Variants in PRH1 observed in about 807,000 individuals in gnomAD.
PRH1 encodes salivary acidic proline-rich phosphoprotein 1/2.
In PRH1, 7 loss-of-function variants were observed where a neutral mutation model predicts 7.9. The observed-to-expected ratio is 0.89, with a 90% CI of 0.50 to 1.67. PRH1 has a LOEUF of 1.67. PRH1 is among the 40% of genes most tolerant of loss of function. The pLI, the probability that PRH1 is intolerant of heterozygous loss-of-function variation, is 0.00. For missense variants in PRH1, 109 were observed against 223.6 expected (o/e 0.49, Z 3.27); for synonymous variants, 45 against 80.8 (o/e 0.56, Z 2.38).
At chr12:11,102,127 T>G (rs1336604534) in intron 1 of PRH1, among the ~76,000 whole-genome samples, 48 of 149,742 alleles carry the variant, frequency 3.2e-4, no homozygotes, top group South Asian at 6.3e-4. Flanking sequence ...CAAGGTAATT[T>G]ATAGATTCAA....
chr12:11,171,199 C>A (rs1156341441), intron 1 of PRH1: 1 of 419,120 alleles, frequency 2.4e-6, no homozygotes, highest in South Asian at 1.4e-4. Context: ...CCCGGGGCTA[C>A]GCGCCGCACT....
chr12:11,002,878 G>A (rs1940659037), intron 1 of PRH1, among the ~76,000 whole-genome samples: 1 of 151,988 alleles, frequency 6.6e-6, no homozygotes, highest in African/African-American at 2.4e-5. Context: ...AACAACATGA[G>A]TATAATTATT....
chr12:11,133,354 C>T, intron 1 of PRH1: 1 of 1,613,838 alleles, frequency 6.2e-7, no homozygotes, highest in African/African-American at 1.3e-5. Flanking sequence ...CCCAGTACCT[C>T]ACATGCCGCA....
rs867926689 is a variant in PRH1, at chr12:11,105,979, C to T, written n.124-58791G>A. Among the ~76,000 whole-genome samples the T allele has an allele frequency of 5.4e-3, 457 of 85,118 alleles. 63 individuals are homozygous for T. Among genetic ancestry groups the T allele is most frequent in the African/African-American group, 0.018 (431 of 23,694 alleles). The allele number at this position is 85,118 out of a possible 152,430, so 55.8% of individuals were successfully genotyped here. On this transcript the variant is annotated intron_variant and non_coding_transcript_variant, in intron 1 of 4. Coordinates refer to the PRH1 transcript ENST00000541977. ...TTTTTGAGACGGAGTCTCACTCTTT[C>T]GCCCAAGCTGGACTGCAGTGGTGCT... is the stretch of plus-strand genomic sequence containing the variant.
At chr12:11,001,168 G>A (rs961695951) in intron 1 of PRH1, among the ~76,000 whole-genome samples, 7 of 148,870 alleles carry the variant, frequency 4.7e-5, no homozygotes, top group Admixed American at 2.0e-4. Flanking sequence ...TTTTTTAGGG[G>A]GGGATAGCAG....
At chr12:11,126,053 C>T (rs1418931328) in intron 1 of PRH1, among the ~76,000 whole-genome samples, 2 of 144,422 alleles carry the variant, frequency 1.4e-5, no homozygotes, top group Non-Finnish European at 3.1e-5. Context: ...AAAATATTTT[C>T]ATTACTATGA....
At chr12:11,102,492 T>C (rs1945285818) in intron 1 of PRH1, among the ~76,000 whole-genome samples, 1 of 152,160 alleles carries the variant, frequency 6.6e-6, no homozygotes, top group South Asian at 2.1e-4. Flanking sequence ...TAGCCATATG[T>C]AGAAAGCTGA....
chr12:11,155,038 A>G (rs1947211450), intron 1 of PRH1, among the ~76,000 whole-genome samples: 1 of 152,212 alleles, frequency 6.6e-6, no homozygotes. Flanking sequence ...GAGTTTTAAT[A>G]GAAAAATCCT....
At chr12:10,953,835 A>T (rs887600371) in intron 2 of PRH1, among the ~76,000 whole-genome samples, 2 of 152,204 alleles carry the variant, frequency 1.3e-5, no homozygotes, top group African/African-American at 4.8e-5. Flanking sequence ...GCGAAAATGA[A>T]AGAAAAAGTG....
intron 1 of PRH1, among the ~76,000 whole-genome samples, chr12:11,016,798 G>C (rs1260363410): frequency 6.6e-6 from 1 of 152,168 alleles, no homozygotes; most frequent in African/African-American, 2.4e-5. Flanking sequence ...GACCTGTAGA[G>C]TCAGGGACAT....
intron 1 of PRH1, chr12:11,077,646 G>A: frequency 7.8e-7 from 1 of 1,280,150 alleles, no homozygotes; most frequent in East Asian, 2.3e-5. Context: ...GCAGAGAACA[G>A]ATTAACAGCA....
At chr12:11,031,466 T>C in intron 1 of PRH1, 1 of 1,039,912 alleles carries the variant, frequency 9.6e-7, no homozygotes. Context: ...TTGCTGCTCT[T>C]AAAGATGGCA....
At chr12:11,088,208 T>G (rs1944773445) in intron 1 of PRH1, among the ~76,000 whole-genome samples, 1 of 128,808 alleles carries the variant, frequency 7.8e-6, no homozygotes, top group Non-Finnish European at 1.8e-5. Flanking sequence ...AGGCGTGATG[T>G]TGTGCCCCTG....
At chr12:11,132,897 T>A (rs1946406405) in intron 1 of PRH1, 1 of 169,966 alleles carries the variant, frequency 5.9e-6, no homozygotes, top group African/African-American at 2.4e-5. Flanking sequence ...TATATTTGTG[T>A]CATTCAAATA....
At chr12:11,038,854 A>T (rs1243596994) in intron 1 of PRH1, among the ~76,000 whole-genome samples, 1 of 151,228 alleles carries the variant, frequency 6.6e-6, no homozygotes, top group East Asian at 1.9e-4. Context: ...TCACAGATTT[A>T]TAATTCTAGG....
chr12:11,031,214 A>T (rs761384693), intron 1 of PRH1: 2 of 1,614,118 alleles, frequency 1.2e-6, no homozygotes, highest in Non-Finnish European at 1.7e-6. Flanking sequence ...AGCAAAAGAG[A>T]TCTTTTGTCT....
At chr12:11,120,840 C>T (rs1308720730) in exon 2 of PRH1, 1 of 152,694 alleles carries the variant, frequency 6.5e-6, no homozygotes, top group Admixed American at 6.6e-5. Flanking sequence ...AGTTTTACAG[C>T]TTAGTCCACA....
At chr12:11,008,438 C>T (rs1940924539) in intron 1 of PRH1, among the ~76,000 whole-genome samples, 1 of 152,040 alleles carries the variant, frequency 6.6e-6, no homozygotes, top group Non-Finnish European at 1.5e-5. Context: ...AGGAACACTG[C>T]AAACAGCCTA....
chr12:11,012,450 T>C (rs546626655), intron 1 of PRH1, among the ~76,000 whole-genome samples: 1 of 152,282 alleles, frequency 6.6e-6, no homozygotes, highest in Non-Finnish European at 1.5e-5. Flanking sequence ...TAGTATAGTA[T>C]ATGTATAACT....
Sources: allele counts gnomAD v4.1 joint callset (sites outside exome capture counted in the v4.1 genomes callset), GRCh38; gene constraint gnomAD v4.1.1; transcripts MANE v1.5; gene names NCBI Gene and HGNC (gene_info 2026-07-23, HGNC 2026-07-21).